RIMS2: variants seen among roughly 807,000 people sequenced by gnomAD.
RIMS2 encodes regulating synaptic membrane exocytosis protein 2.
RIMS2 carries 59 observed loss-of-function variants against 174.4 expected under a neutral mutation model. That is an observed-to-expected ratio of 0.34 (90% confidence interval 0.27 to 0.42). The LOEUF (loss-of-function observed/expected upper bound fraction) is 0.42. RIMS2 is among the 10% of genes least tolerant of loss of function. RIMS2 has a pLI of 1.00. For synonymous variants in RIMS2, 606 were observed against 572.5 expected (o/e 1.06, Z -0.84); for missense variants, 1,620 against 1,666.3 (o/e 0.97, Z 0.48).
At chr8:104,251,883 G>A (rs1023776119), downstream of RIMS2, 142 of 918,770 alleles carry the variant, frequency 1.5e-4, no homozygotes, top group Non-Finnish European at 2.4e-4. Flanking sequence ...AAAATCACAG[G>A]TTGCAAACCC....
At chr8:103,688,601 CAG>C (rs2096971763) in intron 1 of RIMS2, among the ~76,000 whole-genome samples, 1 of 151,974 alleles carries the variant, frequency 6.6e-6, no homozygotes, top group South Asian at 2.1e-4. Context: ...GCTTTAGTAT[CAG>C]GGTAATGCTG....
intron 3 of RIMS2, 40 bp downstream of exon 6, chr8:103,766,577 T>C: frequency 7.6e-7 from 1 of 1,324,338 alleles, no homozygotes; most frequent in South Asian, 1.3e-5. Flanking sequence ...TGTATTACTT[T>C]TAGTCTTCAT....
chr8:103,753,325 G>A (rs1261973870), intron 2 of RIMS2, among the ~76,000 whole-genome samples: 8 of 152,188 alleles, frequency 5.3e-5, no homozygotes, highest in African/African-American at 1.9e-4. Context: ...TGTGATGCTG[G>A]ATTCAGTTTG....
At chr8:104,044,597 T>C (rs192820950) in intron 19 of RIMS2, among the ~76,000 whole-genome samples, 9 of 151,830 alleles carry the variant, frequency 5.9e-5, no homozygotes, top group Admixed American at 6.6e-5. Flanking sequence ...TGTTTTATTG[T>C]CTTCAAATAT....
intron 19 of RIMS2, among the ~76,000 whole-genome samples, chr8:104,026,403 G>T (rs1224053094): frequency 6.6e-6 from 1 of 152,020 alleles, no homozygotes; most frequent in African/African-American, 2.4e-5. Flanking sequence ...ATTATTGTTT[G>T]TTAATTTTGT....
chr8:104,148,227 C>T (rs556766059), intron 19 of RIMS2, among the ~76,000 whole-genome samples: 14 of 140,472 alleles, frequency 1.0e-4, no homozygotes, highest in African/African-American at 3.8e-4. Context: ...CTTTTGAAGG[C>T]AACAGTAAAA....
At chr8:104,246,663 C>T (rs536515779) in intron 20 of RIMS2, among the ~76,000 whole-genome samples, 151 of 152,066 alleles carry the variant, frequency 9.9e-4, no homozygotes, top group African/African-American at 3.0e-3. Flanking sequence ...ACAGGATAGA[C>T]GGGGAAAGGA....
intron 1 of RIMS2, among the ~76,000 whole-genome samples, chr8:103,528,217 TG>T (rs1478841294): frequency 6.6e-6 from 1 of 152,180 alleles, no homozygotes; most frequent in Non-Finnish European, 1.5e-5. Flanking sequence ...TCATGTTCTT[TG>T]CCCACTTTTC....
At chr8:103,522,394 C>T (rs955670517) in intron 1 of RIMS2, among the ~76,000 whole-genome samples, 12 of 151,998 alleles carry the variant, frequency 7.9e-5, no homozygotes, top group Non-Finnish European at 1.5e-4. Context: ...AAAATAGCCT[C>T]GGTAAAATAG....
At chr8:104,112,980 C>A (rs1168959237) in intron 19 of RIMS2, among the ~76,000 whole-genome samples, 1 of 152,152 alleles carries the variant, frequency 6.6e-6, no homozygotes, top group Non-Finnish European at 1.5e-5. Context: ...AATCCTTTAA[C>A]TGTTATGAAA....
At chr8:103,902,137 T>C (rs1485769277) in intron 4 of RIMS2, among the ~76,000 whole-genome samples, 1 of 152,172 alleles carries the variant, frequency 6.6e-6, no homozygotes, top group African/African-American at 2.4e-5. Flanking sequence ...TTATTTCCTT[T>C]TGACAAGAAG....
chr8:103,782,585 A>T (rs1194619479), intron 3 of RIMS2, among the ~76,000 whole-genome samples: 2 of 152,266 alleles, frequency 1.3e-5, no homozygotes, highest in Non-Finnish European at 2.9e-5. Context: ...GATATGACCC[A>T]CTAGAAAGGA....
chr8:103,585,941 C>A (rs1253822787), intron 1 of RIMS2, among the ~76,000 whole-genome samples: 1 of 149,758 alleles, frequency 6.7e-6, no homozygotes, highest in African/African-American at 2.5e-5. Context: ...GAGCAGGAGT[C>A]CCTATTCATA....
At position 103,849,095 on chromosome 8, in the gene RIMS2, A is replaced by G. The variant is rs78030928; in HGVS notation, c.699-36203A>G. 5.1e-4 allele frequency among the ~76,000 whole-genome samples: 77 copies of G among 152,210 alleles called. 4 individuals carry two copies. The East Asian group carries it at 0.015, about 29-fold the overall frequency. ...AAATGATAGAGATACCACATAATCC[A>G]GTGCATCCCTTGCTACCTATAATCT... is the stretch of plus-strand genomic sequence containing the variant. On this transcript the variant is annotated intron_variant, in intron 3 of 23. Transcript: ENST00000504942.
At chr8:103,567,425 A>AT (rs1177816079) in intron 1 of RIMS2, among the ~76,000 whole-genome samples, 4 of 152,236 alleles carry the variant, frequency 2.6e-5, no homozygotes, top group Non-Finnish European at 5.9e-5. Context: ...ACAGTATGTA[A>AT]TTTTTGTGTG....
chr8:104,101,425 G>A lies in RIMS2; in HGVS notation c.3334+86810G>A, dbSNP rs543299381. ...ATTACAGGCATGAGCCACCGTGCCC[G>A]GCCTTCTTGGACTATATTAATTCTA... is the stretch of plus-strand genomic sequence containing the variant. On this transcript the variant is annotated intron_variant, in intron 19 of 23. Coordinates refer to ENST00000504942, the Ensembl canonical transcript of RIMS2. 1.7e-3 allele frequency among the ~76,000 whole-genome samples: 253 copies of A among 152,066 alleles called. 3 individuals carry two copies. Among genetic ancestry groups the A allele is most frequent in the African/African-American group, 5.4e-3 (224 of 41,496 alleles).
chr8:103,880,858 T>C, intron 3 of RIMS2, among the ~76,000 whole-genome samples: 1 of 151,566 alleles, frequency 6.6e-6, no homozygotes, highest in East Asian at 1.9e-4. Context: ...AAATCCTTGA[T>C]TTAATGTGTT....
intron 3 of RIMS2, among the ~76,000 whole-genome samples, chr8:103,805,439 A>G (rs1050312821): frequency 6.6e-6 from 1 of 152,144 alleles, no homozygotes; most frequent in Admixed American, 6.6e-5. Flanking sequence ...TTTTTGTCAC[A>G]TATAATCAAC....
At chr8:103,798,937 C>T (rs561629134) in intron 3 of RIMS2, among the ~76,000 whole-genome samples, 3 of 142,290 alleles carry the variant, frequency 2.1e-5, no homozygotes, top group African/African-American at 8.1e-5. Context: ...TTTTTGGCTG[C>T]GTCAATGAGA....
Sources: allele counts gnomAD v4.1 joint callset (sites outside exome capture counted in the v4.1 genomes callset), GRCh38; gene constraint gnomAD v4.1.1; transcripts MANE v1.5; gene names NCBI Gene and HGNC (gene_info 2026-07-23, HGNC 2026-07-21).